ACKR2: variants seen among roughly 807,000 people sequenced by gnomAD.
The protein encoded by ACKR2 is C-C chemokine receptor D6.
For missense variants in ACKR2, 457 were observed against 477.3 expected, an observed-to-expected ratio of 0.96 and a Z score of 0.40; for synonymous variants, 207 against 192.2, an observed-to-expected ratio of 1.08 and a Z score of -0.64.
intron 2 of ACKR2, among the ~76,000 whole-genome samples, chr3:42,863,146 T>TA: frequency 6.6e-6 from 1 of 152,074 alleles, no homozygotes; most frequent in South Asian, 2.1e-4. Flanking sequence ...ACAAAGAACT[T>TA]AAACAAATTT....
At position 42,864,360 on chromosome 3, in the gene ACKR2, T is replaced by C. The variant is rs997852898; in HGVS notation, c.-37-106T>C. ...TTGCTCTTACTTGCTGGACTGCAGG[T>C]ACTGATGTAGATTTGAAGAGTCTAT... is the stretch of plus-strand genomic sequence containing the variant. On this transcript the variant is annotated intron_variant, in intron 2 of 2. Coordinates refer to ENST00000422265, the MANE Select transcript of ACKR2 (RefSeq NM_001296.5). 3.1e-6 allele frequency: 3 copies of C among 981,832 alleles called. No homozygotes were observed. In the South Asian group the frequency reaches 5.4e-5, roughly 18 times the overall value. The allele number at this position is 981,832 out of a possible 1,614,324, so 60.8% of individuals were successfully genotyped here.
intron 2 of ACKR2, among the ~76,000 whole-genome samples, chr3:42,836,860 C>CT (rs1700991578): frequency 6.6e-6 from 1 of 152,200 alleles, no homozygotes; most frequent in African/African-American, 2.4e-5. Context: ...CTGCTGGACT[C>CT]TTAAGTCATC....
intron 2 of ACKR2, among the ~76,000 whole-genome samples, chr3:42,854,041 T>C (rs1359829696): frequency 6.6e-6 from 1 of 152,142 alleles, no homozygotes; most frequent in Non-Finnish European, 1.5e-5. Context: ...GTCCATAGGC[T>C]TCTTGGCTGT....
chr3:42,817,287 G>A (rs1700762000), intron 1 of ACKR2, among the ~76,000 whole-genome samples: 1 of 152,096 alleles, frequency 6.6e-6, no homozygotes, highest in African/African-American at 2.4e-5. Flanking sequence ...TTTAGACCGT[G>A]AAGTTTTCTG....
At chr3:42,818,908 G>T (rs941761908) in intron 1 of ACKR2, among the ~76,000 whole-genome samples, 8 of 151,910 alleles carry the variant, frequency 5.3e-5, no homozygotes, top group African/African-American at 1.9e-4. Context: ...ATGCTGTCAG[G>T]TTGTCACTAA....
At chr3:42,832,793 AAGCGATTCTCCC>A (rs1226650122) in intron 2 of ACKR2, among the ~76,000 whole-genome samples, 1 of 152,150 alleles carries the variant, frequency 6.6e-6, no homozygotes, top group Admixed American at 6.5e-5. Context: ...TCCTAGGCTC[AAGCGATTCTCCC>A]ACCTTAGCCT....
intron 1 of ACKR2, among the ~76,000 whole-genome samples, chr3:42,812,957 G>A (rs1463482365): frequency 1.3e-5 from 2 of 152,040 alleles, no homozygotes; most frequent in Non-Finnish European, 1.5e-5. Context: ...CCAAAGTGCT[G>A]GGATTACAGG....
intron 2 of ACKR2, among the ~76,000 whole-genome samples, chr3:42,842,391 A>G (rs2125614129): frequency 6.6e-6 from 1 of 152,334 alleles, no homozygotes; most frequent in Admixed American, 6.5e-5. Flanking sequence ...TTTATAGAAG[A>G]TATATTTATA....
chr3:42,815,965 C>A (rs1415240508), intron 1 of ACKR2, among the ~76,000 whole-genome samples: 1 of 152,186 alleles, frequency 6.6e-6, no homozygotes, highest in Non-Finnish European at 1.5e-5. Flanking sequence ...AGTTATGTGA[C>A]ACTGAGCAAG....
rs550236095 is a variant in ACKR2 at position 42,821,591 on chromosome 3, C to T, written c.-38+1880C>T. 3.9e-5 allele frequency among the ~76,000 whole-genome samples: 6 copies of T among 152,282 alleles called. No individual in the cohort carries two copies. In the South Asian group the frequency reaches 1.2e-3, roughly 32 times the overall value. ...CATAGAGGCAGAGGTAGAATTTGAA[C>T]CCAGTACTGTTTAGCTCATGCCCTT... is the stretch of plus-strand genomic sequence containing the variant. On this transcript the variant is annotated intron_variant, in intron 2 of 2. Coordinates refer to ENST00000422265, the MANE Select transcript of ACKR2 (RefSeq NM_001296.5).
chr3:42,833,365 T>A (rs926642255), intron 2 of ACKR2, among the ~76,000 whole-genome samples: 2 of 152,204 alleles, frequency 1.3e-5, no homozygotes, highest in East Asian at 3.8e-4. Flanking sequence ...TATTTTTTAT[T>A]TTTTAAAGTA....
At chr3:42,820,622 T>C (rs143712001) in intron 2 of ACKR2, among the ~76,000 whole-genome samples, 1,686 of 149,098 alleles carry the variant, frequency 0.011, 27 homozygotes, top group African/African-American at 0.04. Flanking sequence ...AAATATAATC[T>C]GCCCAACCCA....
intron 2 of ACKR2, among the ~76,000 whole-genome samples, chr3:42,848,008 A>G (rs1205595819): frequency 1.3e-5 from 2 of 152,054 alleles, no homozygotes; most frequent in Non-Finnish European, 2.9e-5. Context: ...GGGGGGTGAC[A>G]CTGAGGGAGT....
At chr3:42,816,641 C>T (rs1402172584) in intron 1 of ACKR2, among the ~76,000 whole-genome samples, 2 of 151,752 alleles carry the variant, frequency 1.3e-5, no homozygotes, top group African/African-American at 2.4e-5. Context: ...ACTGAAACCT[C>T]TGCCTCATGG....
chr3:42,832,952 C>T (rs1254793786), intron 2 of ACKR2, among the ~76,000 whole-genome samples: 1 of 151,916 alleles, frequency 6.6e-6, no homozygotes. Flanking sequence ...CAACCTCTGC[C>T]TCCTGGGCTT....
chr3:42,864,800 C>G lies in ACKR2; in HGVS notation c.298C>G (p.Pro100Ala), dbSNP rs1354805940. 1 of 1,614,082 alleles carries G rather than the reference C, an allele frequency of 6.2e-7. No individual in the cohort carries two copies. The highest frequency in any genetic ancestry group is 1.3e-5 in the African/African-American group (1 of 74,928). The part of the protein sequence containing the change: ...ISNLLFLVTL[P>A]FWGISVAWHW... ...CAACCTTCTGTTTCTGGTGACACTG[C>G]CCTTCTGGGGCATCTCCGTGGCCTG... The change falls in exon 3 of 3, where the codon CCC becomes GCC. Residue 100 changes from proline to alanine, a missense_variant. Pro to Ala is a conservative substitution (Grantham distance 27). Transcript: ENST00000422265.
chr3:42,837,688 A>G (rs74354615), intron 2 of ACKR2, among the ~76,000 whole-genome samples: 1,997 of 152,250 alleles, frequency 0.013, 33 homozygotes, highest in African/African-American at 0.045. Context: ...ACCTCCGGAA[A>G]CACCTTCACA....
chr3:42,837,839 C>T (rs976575484), intron 2 of ACKR2, among the ~76,000 whole-genome samples: 1 of 152,158 alleles, frequency 6.6e-6, no homozygotes, highest in African/African-American at 2.4e-5. Context: ...AAGAGGAAAT[C>T]AGCCCCCATC....
At position 42,866,574 on chromosome 3, in the gene ACKR2, C is replaced by T. The variant is rs1416560614; in HGVS notation, c.*917C>T. The T allele has an allele frequency of 6.0e-6, 1 of 167,138 alleles. No individual in the cohort carries two copies. The highest frequency in any genetic ancestry group is 1.5e-5 in the Non-Finnish European group (1 of 68,166). The allele number at this position is 167,138 out of a possible 1,614,324, so 10.4% of individuals were successfully genotyped here. A position where few individuals can be genotyped will look rare whatever the true frequency, so the allele number is the denominator to read the frequency against. ...CAACTGGCCCCTGTCCTTCCTCTCTCTTGCTCTCCTCCCATCTCATCTGCA... is the reference window on the plus strand; with the variant it reads ...CAACTGGCCCCTGTCCTTCCTCTCTTTTGCTCTCCTCCCATCTCATCTGCA... On this transcript the variant is annotated 3_prime_UTR_variant, in exon 3 of 3. Transcript: ENST00000422265.
Sources: gnomAD v4.1 joint callset for allele counts (sites outside exome capture counted in the v4.1 genomes callset) on GRCh38, gnomAD v4.1.1 for gene constraint, MANE v1.5 for transcripts, NCBI Gene and HGNC (gene_info 2026-07-23, HGNC 2026-07-21) for gene names.